Variants in RANBP2 observed in about 807,000 individuals in gnomAD.
RANBP2 encodes the protein E3 SUMO-protein ligase RanBP2.
In RANBP2, 57 loss-of-function variants were observed where a neutral mutation model predicts 303.6. The observed-to-expected ratio is 0.19, with a 90% CI of 0.15 to 0.23. The LOEUF (loss-of-function observed/expected upper bound fraction) is 0.23, where lower values mean the gene tolerates loss of function less well. RANBP2 is among the 10% of genes least tolerant of loss of function. The probability of loss-of-function intolerance (pLI) is 1.00; values close to 1 mark genes in which losing one functional copy is unlikely to be tolerated. For synonymous variants in RANBP2, 1,167 were observed against 1,301.5 expected (o/e 0.90, Z 2.23); for missense variants, 3,138 against 3,780.8 (o/e 0.83, Z 4.46).
At chr2:109,702,207 G>A in the RANBP2 span, among the ~76,000 whole-genome samples, 1 of 152,216 alleles carries the variant, frequency 6.6e-6, no homozygotes, top group African/African-American at 2.4e-5. Flanking sequence ...CCAGGCCATG[G>A]AGGAATGGGA....
chr2:108,998,596 T>C, the RANBP2 span, among the ~76,000 whole-genome samples: 147 of 152,336 alleles, frequency 9.6e-4, no homozygotes, highest in Non-Finnish European at 1.6e-3. Flanking sequence ...TGACTTTCTC[T>C]TCCTCAACCC....
the RANBP2 span, among the ~76,000 whole-genome samples, chr2:108,940,726 G>A: frequency 1.3e-5 from 2 of 152,208 alleles, no homozygotes; most frequent in African/African-American, 2.4e-5. Flanking sequence ...GGTCTGAACG[G>A]GGCAGGCTTC....
the RANBP2 span, chr2:109,760,471 G>A: frequency 1.0e-6 from 1 of 968,106 alleles, no homozygotes; most frequent in Non-Finnish European, 1.2e-6. Context: ...CGGCGAGCTC[G>A]CTGCTCTCTC....
the RANBP2 span, among the ~76,000 whole-genome samples, chr2:109,075,826 A>G: frequency 3.3e-5 from 5 of 150,562 alleles, 2 homozygotes; most frequent in Non-Finnish European, 4.4e-5. Context: ...TTGAGGCATT[A>G]ATCAAAGACC....
chr2:109,354,523 G>A, the RANBP2 span, among the ~76,000 whole-genome samples: 1 of 152,240 alleles, frequency 6.6e-6, no homozygotes, highest in African/African-American at 2.4e-5. Flanking sequence ...GAAATCTTAG[G>A]CACTGGATGT....
At chr2:108,980,118 G>T in the RANBP2 span, among the ~76,000 whole-genome samples, 1 of 150,958 alleles carries the variant, frequency 6.6e-6, no homozygotes, top group African/African-American at 2.4e-5. Flanking sequence ...GGTGGGGTCG[G>T]GTGGGGGGCT....
chr2:109,719,315 G>C, the RANBP2 span, among the ~76,000 whole-genome samples: 1 of 151,136 alleles, frequency 6.6e-6, no homozygotes, highest in African/African-American at 2.4e-5. Flanking sequence ...GATCAGGCTG[G>C]TCTCAAACTC....
the RANBP2 span, among the ~76,000 whole-genome samples, chr2:109,143,985 C>T: frequency 1.3e-5 from 2 of 152,116 alleles, no homozygotes; most frequent in Admixed American, 6.5e-5. Context: ...CATTCATATC[C>T]GGAATCTAAA....
chr2:109,050,458 T>C, the RANBP2 span, among the ~76,000 whole-genome samples: 973 of 152,178 alleles, frequency 6.4e-3, 8 homozygotes, highest in Non-Finnish European at 9.5e-3. Flanking sequence ...TCTCATGAGG[T>C]TGCCCAGGCT....
the RANBP2 span, among the ~76,000 whole-genome samples, chr2:108,833,446 A>C: frequency 6.6e-6 from 1 of 152,244 alleles, no homozygotes; most frequent in African/African-American, 2.4e-5. Context: ...AACAGGAAGT[A>C]GAGATAGAGT....
chr2:109,086,632 A>T, the RANBP2 span, among the ~76,000 whole-genome samples: 1 of 152,258 alleles, frequency 6.6e-6, no homozygotes, highest in African/African-American at 2.4e-5. Context: ...CTGTCTCAGC[A>T]GGTCCAGGGC....
the RANBP2 span, among the ~76,000 whole-genome samples, chr2:109,711,749 G>A: frequency 0.027 from 4,043 of 152,144 alleles, 102 homozygotes; most frequent in Non-Finnish European, 0.034. Context: ...ACACAATTAT[G>A]AGGGGCCTTT....
the RANBP2 span, among the ~76,000 whole-genome samples, chr2:108,848,997 A>G: frequency 6.6e-6 from 1 of 152,196 alleles, no homozygotes; most frequent in Non-Finnish European, 1.5e-5. Flanking sequence ...GGTAAAGGAA[A>G]ACATGAGCCT....
At chr2:109,436,323 C>A in the RANBP2 span, among the ~76,000 whole-genome samples, 1 of 152,184 alleles carries the variant, frequency 6.6e-6, no homozygotes, top group Non-Finnish European at 1.5e-5. Context: ...CCAGAGTGTT[C>A]CTCTTGTGTG....
At chr2:109,568,771 T>C in the RANBP2 span, among the ~76,000 whole-genome samples, 2 of 152,176 alleles carry the variant, frequency 1.3e-5, no homozygotes, top group Non-Finnish European at 2.9e-5. Flanking sequence ...AAGCTTCTCT[T>C]TGTGCCTCGT....
chr2:109,741,311 A>T, the RANBP2 span, among the ~76,000 whole-genome samples: 1 of 152,140 alleles, frequency 6.6e-6, no homozygotes, highest in East Asian at 1.9e-4. Context: ...AGTCATGATT[A>T]TATGAATAGA....
the RANBP2 span, among the ~76,000 whole-genome samples, chr2:109,510,869 G>A: frequency 3.7e-4 from 56 of 152,310 alleles, no homozygotes; most frequent in African/African-American, 1.2e-3. Context: ...ACGGGTGGCC[G>A]GAGCTATGGG....
At chr2:109,072,025 A>G in the RANBP2 span, among the ~76,000 whole-genome samples, 2 of 152,364 alleles carry the variant, frequency 1.3e-5, no homozygotes, top group South Asian at 4.1e-4. Context: ...AGAAGTAAAC[A>G]CAAAGTCTTA....
chr2:109,015,572 A>G, the RANBP2 span, among the ~76,000 whole-genome samples: 16 of 152,254 alleles, frequency 1.1e-4, no homozygotes, highest in Non-Finnish European at 2.1e-4. Flanking sequence ...AGCCTGGCCA[A>G]CTTGGTGAAA....
Sources: allele counts gnomAD v4.1 joint callset (sites outside exome capture counted in the v4.1 genomes callset), GRCh38; gene constraint gnomAD v4.1.1; transcripts MANE v1.5; gene names NCBI Gene and HGNC (gene_info 2026-07-23, HGNC 2026-07-21).